The following DAGLA variants were observed in gnomAD, a reference collection of about 807,000 sequenced individuals.
DAGLA encodes the protein diacylglycerol lipase alpha.
DAGLA carries 22 observed loss-of-function variants against 102.6 expected under a neutral mutation model. The observed-to-expected ratio is 0.21, with a 90% CI of 0.15 to 0.31. The LOEUF (loss-of-function observed/expected upper bound fraction) is 0.31. Among genes scored for constraint, DAGLA ranks in the 10% least tolerant of loss-of-function variants. The pLI is 1.00. For missense variants in DAGLA, 927 were observed against 1,446.6 expected (o/e 0.64, Z 5.83); for synonymous variants, 578 against 628.9 (o/e 0.92, Z 1.21).
chr11:61,689,048 C>G (rs2065005813), intron 1 of DAGLA, among the ~76,000 whole-genome samples: 1 of 152,270 alleles, frequency 6.6e-6, no homozygotes, highest in Non-Finnish European at 1.5e-5. Context: ...TGTGGCCAGG[C>G]TACTGTTAGG....
At chr11:61,704,319 C>T (rs2065133435) in intron 1 of DAGLA, among the ~76,000 whole-genome samples, 1 of 151,900 alleles carries the variant, frequency 6.6e-6, no homozygotes, top group South Asian at 2.1e-4. Flanking sequence ...GGGGTTTCAC[C>T]ATGTTGGCCA....
intron 1 of DAGLA, among the ~76,000 whole-genome samples, chr11:61,683,082 C>T (rs1462570500): frequency 1.3e-5 from 2 of 152,224 alleles, no homozygotes; most frequent in East Asian, 1.9e-4. Flanking sequence ...AGACCCTGCC[C>T]CATGGCGCTG....
intron 1 of DAGLA, among the ~76,000 whole-genome samples, chr11:61,705,229 G>C (rs1411006213): frequency 6.6e-6 from 1 of 152,228 alleles, no homozygotes; most frequent in Non-Finnish European, 1.5e-5. Flanking sequence ...CAGCGCCAGT[G>C]TTACAGCGAG....
rs1240637866 is a variant in DAGLA at position 61,741,167 on chromosome 11, G to A, written c.1989G>A (p.Leu663=). Residue 663 remains leucine, a synonymous_variant, in exon 19 of 20, where the codon CTG becomes CTA. Coordinates refer to ENST00000257215, the MANE Select transcript of DAGLA (RefSeq NM_006133.3). ...YVVMEGLNKV[L]ENYNKGKTAL... The stretch of plus-strand genomic sequence containing the variant: ...CTCCTCTGTCCTGTCCTCAGGTGCT[G>A]GAGAACTACAACAAGGGGAAGACCG... 3.1e-6 allele frequency: 5 copies of A among 1,612,120 alleles called. No homozygotes were observed. Among genetic ancestry groups the A allele is most frequent in the African/African-American group, 1.3e-5 (1 of 74,940 alleles).
rs772842058 is a variant in DAGLA, at chr11:61,740,456, C to T, written c.1854-7C>T. ...CCTTAACTCCCCTCTGTCCATGTCC[C>T]TCTCAGCTGCTGTGAGCAGGAGGAG... On this transcript the variant is annotated splice_region_variant and splice_polypyrimidine_tract_variant and intron_variant, in intron 17 of 19. Transcript: ENST00000257215. 1 of 1,613,122 alleles carries T rather than the reference C, an allele frequency of 6.2e-7. No homozygotes were observed. The highest frequency in any genetic ancestry group is 1.3e-5 in the African/African-American group (1 of 74,934).
At chr11:61,728,101 G>A (rs1053284939) in intron 6 of DAGLA, 52 bp from the exon 7 acceptor site, 31 of 1,606,168 alleles carry the variant, frequency 1.9e-5, no homozygotes, top group Non-Finnish European at 2.2e-5. Context: ...CTGGCCTCTC[G>A]TCCTCTCTCC....
chr11:61,722,713 G>A, intron 3 of DAGLA, 146 bp from the exon 4 acceptor site: 3 of 656,754 alleles, frequency 4.6e-6, no homozygotes, highest in Non-Finnish European at 8.0e-6. Flanking sequence ...GCGGGGGGTG[G>A]GGGGTCTGCT....
chr11:61,731,512 G>T, intron 9 of DAGLA, 71 bp downstream of exon 9: 1 of 1,589,048 alleles, frequency 6.3e-7, no homozygotes, highest in Non-Finnish European at 8.6e-7. Flanking sequence ...AAGGGCTACC[G>T]GGCTGCGCCT....
Position 61,734,767 on chromosome 11 carries a change from A to G in DAGLA, c.975-82A>G. Reference sequence around the variant, plus strand: ...CAGTGGGGCTGAATGCCCAACTGGAACTGGTTCCAGGGACAGTGGCAGGAG... The same window carrying G: ...CAGTGGGGCTGAATGCCCAACTGGAGCTGGTTCCAGGGACAGTGGCAGGAG... On this transcript the variant is annotated intron_variant, in intron 9 of 19. Transcript: ENST00000257215. The surrounding 1 kb of genome is among the most constrained non-coding windows in gnomAD (Gnocchi z 4.2). The G allele has an allele frequency of 2.1e-6, 3 of 1,420,340 alleles. No homozygotes were observed. Among genetic ancestry groups the G allele is most frequent in the Non-Finnish European group, 2.9e-6 (3 of 1,029,956 alleles). The allele number at this position is 1,420,340 out of a possible 1,614,324, so 88.0% of individuals were successfully genotyped here. A position where few individuals can be genotyped will look rare whatever the true frequency, so the allele number is the denominator to read the frequency against.
At chr11:61,713,759 G>A (rs1407676825) in intron 1 of DAGLA, among the ~76,000 whole-genome samples, 1 of 152,174 alleles carries the variant, frequency 6.6e-6, no homozygotes, top group Non-Finnish European at 1.5e-5. Context: ...AGTGTCCTGC[G>A]GGGCACCACT....
At chr11:61,720,627 C>G in intron 2 of DAGLA, 52 bp from the exon 3 acceptor site, 1 of 1,566,728 alleles carries the variant, frequency 6.4e-7, no homozygotes, top group African/African-American at 1.3e-5. Context: ...CTAGTAGCAT[C>G]TCGAGGTACA....
intron 1 of DAGLA, among the ~76,000 whole-genome samples, chr11:61,696,039 G>T (rs2065062257): frequency 6.6e-6 from 1 of 152,240 alleles, no homozygotes; most frequent in Admixed American, 6.5e-5. Flanking sequence ...CCTCGCTCCA[G>T]GACTCCGCCC....
At chr11:61,728,344 C>A in intron 7 of DAGLA, 57 bp downstream of exon 7, 9 of 1,589,792 alleles carry the variant, frequency 5.7e-6, no homozygotes, top group Non-Finnish European at 7.7e-6. Flanking sequence ...TTCTTTCAGG[C>A]CCCTTCCCTG....
intron 14 of DAGLA, 40 bp from the exon 15 acceptor site, chr11:61,737,646 CG>C: frequency 6.3e-7 from 1 of 1,579,894 alleles, no homozygotes. Flanking sequence ...ACCACCACCC[CG>C]CCCCCTTGGC....
chr11:61,689,769 G>C (rs1325975816), intron 1 of DAGLA, among the ~76,000 whole-genome samples: 1 of 152,150 alleles, frequency 6.6e-6, no homozygotes, highest in African/African-American at 2.4e-5. Flanking sequence ...CTCCCAAAGT[G>C]CTGGGTTTAC....
intron 1 of DAGLA, among the ~76,000 whole-genome samples, chr11:61,715,945 G>T (rs198434): frequency 1.2e-3 from 176 of 152,182 alleles, no homozygotes; most frequent in South Asian, 7.9e-3. Context: ...TAGCCAGAGG[G>T]GGGGGAGAGG....
At chr11:61,710,152 C>T (rs1376398706) in intron 1 of DAGLA, among the ~76,000 whole-genome samples, 1 of 152,138 alleles carries the variant, frequency 6.6e-6, no homozygotes, top group East Asian at 1.9e-4. Context: ...TTGCCAGCAC[C>T]CAGACGGAGT....
Position 61,740,655 on chromosome 11 carries a change from G to A in DAGLA, c.1983+63G>A, listed in dbSNP as rs139319330. ...GGCACTGTCACCCCATCAGAACCCC[G>A]TAAGCACCATCAGATCACTGCCCGA... On this transcript the variant is annotated intron_variant, in intron 18 of 19. Transcript: ENST00000257215. The A allele has an allele frequency of 1.5e-3, 2,335 of 1,583,000 alleles. 2 individuals carry two copies. The highest frequency in any genetic ancestry group is 1.9e-3 in the Non-Finnish European group (2,178 of 1,161,372).
rs1383831377 is a variant in DAGLA at position 61,734,699 on chromosome 11, A to AC, written c.975-149dup. On this transcript the variant is annotated intron_variant, in intron 9 of 19. Coordinates refer to ENST00000257215, the MANE Select transcript of DAGLA (RefSeq NM_006133.3). The surrounding 1 kb of genome is among the most constrained non-coding windows in gnomAD (Gnocchi z 4.2). The stretch of plus-strand genomic sequence containing the variant: ...CTAAGAGTGGCCAGTGGATTTGGTG[A>AC]CGTGGGGGTCACTAGGACTTAGCAA... 5.9e-6 allele frequency: 4 copies of AC among 673,026 alleles called. No individual in the cohort carries two copies. The highest frequency in any genetic ancestry group is 7.6e-6 in the Non-Finnish European group (3 of 395,740). 41.7% of individuals were successfully genotyped at this position (673,026 alleles called of 1,614,324 possible). A position where few individuals can be genotyped will look rare whatever the true frequency, so the allele number is the denominator to read the frequency against.
Sources: allele counts gnomAD v4.1 joint callset (sites outside exome capture counted in the v4.1 genomes callset), GRCh38; gene constraint gnomAD v4.1.1; non-coding constraint Gnocchi (gnomAD v3.1); transcripts MANE v1.5; gene names NCBI Gene and HGNC (gene_info 2026-07-23, HGNC 2026-07-21).